Variants in ABCB1 observed in about 807,000 individuals in gnomAD.
The protein encoded by ABCB1 is ATP binding cassette subfamily B member 1.
A neutral mutation model predicts 142.0 loss-of-function variants in ABCB1; 69 were observed. The ratio of observed to expected loss-of-function variants is 0.49; its 90% confidence interval spans 0.40 to 0.59. The LOEUF (loss-of-function observed/expected upper bound fraction) is 0.59, where lower values mean the gene tolerates loss of function less well. Among genes scored for constraint, ABCB1 ranks in the 20% least tolerant of loss-of-function variants. The pLI is 0.00. For synonymous variants in ABCB1, 532 were observed against 539.2 expected, an observed-to-expected ratio of 0.99 and a Z score of 0.18; for missense variants, 1,326 against 1,554.7, an observed-to-expected ratio of 0.85 and a Z score of 2.47.
intron 1 of ABCB1, among the ~76,000 whole-genome samples, chr7:87,625,536 T>C (rs1820384314): frequency 6.6e-6 from 1 of 152,228 alleles, no homozygotes; most frequent in Non-Finnish European, 1.5e-5. Context: ...ACTGATGGTT[T>C]TCCACTCTTT....
At chr7:87,508,082 C>T (rs924809040) in intron 26 of ABCB1, among the ~76,000 whole-genome samples, 2 of 152,122 alleles carry the variant, frequency 1.3e-5, no homozygotes, top group African/African-American at 4.8e-5. Flanking sequence ...ACCTCAGCAT[C>T]ATGCAATATA....
intron 16 of ABCB1, 61 bp downstream of exon 16, chr7:87,544,762 C>G: frequency 6.4e-7 from 1 of 1,562,024 alleles, no homozygotes; most frequent in South Asian, 1.1e-5. Context: ...TAGCCCTAGC[C>G]CACCAAACTA....
At position 87,594,249 on chromosome 7, in the gene ABCB1, C is replaced by A. The variant is rs1418445216; in HGVS notation, c.117+1517G>T. Among the ~76,000 whole-genome samples, 7 of 152,128 alleles carry A rather than the reference C, an allele frequency of 4.6e-5. No homozygotes were observed. In the East Asian group the frequency reaches 1.2e-3, roughly 25 times the overall value. On this transcript the variant is annotated intron_variant, in intron 3 of 27. Transcript: ENST00000622132. ...TCCTCAGACAAGTGAACATGTCTGG[C>A]TCCAGTTTCTTCATGTGTAAAACTG... is the stretch of plus-strand genomic sequence containing the variant.
chr7:87,659,685 G>C (rs1455227195), intron 1 of ABCB1, among the ~76,000 whole-genome samples: 1 of 152,092 alleles, frequency 6.6e-6, no homozygotes. Flanking sequence ...ACAGTCCGGG[G>C]TATAAGAGGT....
At chr7:87,566,014 G>A in intron 7 of ABCB1, 56 bp downstream of exon 7, 1 of 1,580,876 alleles carries the variant, frequency 6.3e-7, no homozygotes, top group Non-Finnish European at 8.7e-7. Context: ...TCCGTAGGGT[G>A]AGAGCAGGAA....
upstream of ABCB1, among the ~76,000 whole-genome samples, chr7:87,604,704 C>G (rs1487146867): frequency 6.6e-6 from 1 of 152,036 alleles, no homozygotes; most frequent in Non-Finnish European, 1.5e-5. Flanking sequence ...GCCAATACAG[C>G]AACAGACATG....
intron 19 of ABCB1, among the ~76,000 whole-genome samples, chr7:87,538,620 G>A (rs1455903824): frequency 6.6e-6 from 1 of 152,146 alleles, no homozygotes; most frequent in African/African-American, 2.4e-5. Context: ...AAATTTTCAT[G>A]ATTGTTAAAG....
intron 3 of ABCB1, among the ~76,000 whole-genome samples, chr7:87,586,215 A>T (rs563731940): frequency 6.6e-6 from 1 of 152,328 alleles, no homozygotes; most frequent in South Asian, 2.1e-4. Context: ...AATGAGTCTG[A>T]TGCATGCTTG....
At chr7:87,558,104 G>C (rs1817381403) in intron 8 of ABCB1, among the ~76,000 whole-genome samples, 1 of 152,142 alleles carries the variant, frequency 6.6e-6, no homozygotes, top group Non-Finnish European at 1.5e-5. Context: ...GTCTGAGCAT[G>C]AATTCACACT....
chr7:87,578,480 C>T (rs2129884779), intron 4 of ABCB1, among the ~76,000 whole-genome samples: 1 of 152,242 alleles, frequency 6.6e-6, no homozygotes, highest in Admixed American at 6.5e-5. Context: ...ATAGCGATTG[C>T]ACTGTCTGTA....
chr7:87,559,212 T>C (rs1223218897), intron 8 of ABCB1, among the ~76,000 whole-genome samples: 1 of 152,136 alleles, frequency 6.6e-6, no homozygotes, highest in Admixed American at 6.5e-5. Flanking sequence ...TTGTGATTTC[T>C]GCTTGTGGGA....
Position 87,566,092 on chromosome 7 carries a change from A to ACT in ABCB1, c.679_680insAG (p.Leu227GlnfsTer20). ...TACCTTTGCCCAGACAGCAGCTGACAGTCCAAGAACAGGACTGATGGCCAA... is the reference window on the plus strand; with the variant it reads ...TACCTTTGCCCAGACAGCAGCTGACACTGTCCAAGAACAGGACTGATGGCCAA... On this transcript the variant is annotated frameshift_variant, in exon 7 of 28. Transcript: ENST00000622132. LOFTEE classifies it high-confidence loss of function. The ACT allele has an allele frequency of 6.2e-7, 1 of 1,614,222 alleles. No individual in the cohort carries two copies. The highest frequency in any genetic ancestry group is 8.5e-7 in the Non-Finnish European group (1 of 1,180,020).
intron 3 of ABCB1, 76 bp downstream of exon 3, chr7:87,595,690 T>G: frequency 3.3e-6 from 4 of 1,221,442 alleles, no homozygotes; most frequent in Non-Finnish European, 2.4e-6. Context: ...TTACATCAGA[T>G]GAAATATCTC....
intron 4 of ABCB1, among the ~76,000 whole-genome samples, chr7:87,581,046 G>C (rs1818484755): frequency 1.3e-5 from 2 of 151,944 alleles, no homozygotes; most frequent in Admixed American, 1.3e-4. Flanking sequence ...GTAGGGATGG[G>C]GGAGGGGGGG....
chr7:87,679,125 C>T (rs1442129967), intron 1 of ABCB1, among the ~76,000 whole-genome samples: 1 of 134,584 alleles, frequency 7.4e-6, no homozygotes, highest in East Asian at 2.2e-4. Flanking sequence ...CAGAGTCCCG[C>T]TCTTTCCCCC....
chr7:87,629,010 C>T, intron 1 of ABCB1: 1 of 1,278,370 alleles, frequency 7.8e-7, no homozygotes, highest in Admixed American at 3.5e-5. Flanking sequence ...GGCTTCCGCG[C>T]GGGTCCTTGG....
chr7:87,580,087 C>T (rs1345936338), intron 4 of ABCB1, among the ~76,000 whole-genome samples: 1 of 152,164 alleles, frequency 6.6e-6, no homozygotes, highest in Non-Finnish European at 1.5e-5. Context: ...TTATACACCA[C>T]AATTACAGTG....
intron 1 of ABCB1, among the ~76,000 whole-genome samples, chr7:87,614,973 G>T (rs1819984401): frequency 6.6e-6 from 1 of 152,012 alleles, no homozygotes; most frequent in African/African-American, 2.4e-5. Context: ...AGCCTCCCGA[G>T]TAGCTGGACT....
chr7:87,571,915 GA>G (rs1382646966), intron 4 of ABCB1, among the ~76,000 whole-genome samples: 90 of 152,284 alleles, frequency 5.9e-4, no homozygotes, highest in African/African-American at 2.0e-3. Flanking sequence ...GAATCCTGGA[GA>G]AAACTCCATT....
Sources: gnomAD v4.1 joint callset for allele counts (sites outside exome capture counted in the v4.1 genomes callset) on GRCh38, gnomAD v4.1.1 for gene constraint, MANE v1.5 for transcripts, NCBI Gene and HGNC (gene_info 2026-07-23, HGNC 2026-07-21) for gene names.